The following TRPC7 variants were observed in gnomAD, a reference collection of about 807,000 sequenced individuals.
TRPC7 encodes the protein transient receptor potential cation channel subfamily C member 7, also known as short transient receptor potential channel 7.
Under a neutral mutation model 90.1 loss-of-function variants are expected in TRPC7, and 42 were observed. That is an observed-to-expected ratio of 0.47 (90% confidence interval 0.36 to 0.60). TRPC7 has a LOEUF of 0.60. Among genes scored for constraint, TRPC7 ranks in the 20% least tolerant of loss-of-function variants. The pLI is 0.00. For synonymous variants in TRPC7, 451 were observed against 436.3 expected, an observed-to-expected ratio of 1.03 and a Z score of -0.42; for missense variants, 955 against 1,112.3, an observed-to-expected ratio of 0.86 and a Z score of 2.01.
chr5:136,353,857 T>G (rs1487287719), intron 2 of TRPC7, among the ~76,000 whole-genome samples: 1 of 152,318 alleles, frequency 6.6e-6, no homozygotes, highest in East Asian at 1.9e-4. Flanking sequence ...ATTTTCATAT[T>G]TACTTTTAAA....
At chr5:136,284,674 G>A (rs1757653836) in intron 3 of TRPC7, among the ~76,000 whole-genome samples, 1 of 152,176 alleles carries the variant, frequency 6.6e-6, no homozygotes, top group Admixed American at 6.5e-5. Flanking sequence ...AGTTGACCAG[G>A]GGTGTCATGG....
At chr5:136,292,065 G>A (rs1757978529) in intron 3 of TRPC7, among the ~76,000 whole-genome samples, 2 of 152,152 alleles carry the variant, frequency 1.3e-5, no homozygotes, top group South Asian at 2.1e-4. Context: ...CGAAATGAAG[G>A]CAGAAATAAA....
intron 5 of TRPC7, among the ~76,000 whole-genome samples, chr5:136,252,964 T>C (rs1427044063): frequency 6.6e-6 from 1 of 152,216 alleles, no homozygotes; most frequent in Non-Finnish European, 1.5e-5. Context: ...TCTAGACCTG[T>C]ACTGTCCAAT....
chr5:136,364,467 G>A (rs982522242), intron 1 of TRPC7, among the ~76,000 whole-genome samples: 3 of 152,058 alleles, frequency 2.0e-5, no homozygotes, highest in Non-Finnish European at 4.4e-5. Flanking sequence ...ATGTGTACTC[G>A]GTGCTTCAGA....
chr5:136,233,040 T>C (rs1023839618), intron 7 of TRPC7, among the ~76,000 whole-genome samples: 17 of 152,284 alleles, frequency 1.1e-4, no homozygotes, highest in South Asian at 2.1e-4. Context: ...CTCGCATGAA[T>C]TTACAGCTCT....
chr5:136,305,281 G>A (rs796108645), intron 3 of TRPC7, among the ~76,000 whole-genome samples: 2 of 151,522 alleles, frequency 1.3e-5, no homozygotes, highest in African/African-American at 4.9e-5. Context: ...CCCTGATCAC[G>A]CTTGATTTAT....
At chr5:136,251,431 C>T (rs964644612) in intron 6 of TRPC7, among the ~76,000 whole-genome samples, 1 of 152,184 alleles carries the variant, frequency 6.6e-6, no homozygotes, top group East Asian at 1.9e-4. Context: ...GTCACTAATT[C>T]CACGTTCTAT....
At chr5:136,313,238 A>C (rs1387897827) in intron 3 of TRPC7, among the ~76,000 whole-genome samples, 16 of 152,230 alleles carry the variant, frequency 1.1e-4, no homozygotes, top group Admixed American at 8.5e-4. Context: ...GGTAATACTT[A>C]TTAGCAGCCC....
intron 3 of TRPC7, among the ~76,000 whole-genome samples, chr5:136,298,796 T>A (rs1758270241): frequency 6.6e-6 from 1 of 152,190 alleles, no homozygotes; most frequent in Non-Finnish European, 1.5e-5. Flanking sequence ...CTTCTGCCCC[T>A]TCAATGCAGG....
rs1053165138 is a variant in TRPC7, at chr5:136,303,258, A to G, written c.963+12339T>C. On this transcript the variant is annotated intron_variant, in intron 3 of 11. Coordinates refer to ENST00000513104, the MANE Select transcript of TRPC7 (RefSeq NM_020389.3). ...GCTCATTTGGCAGCAACCCTGAGAC[A>G]CTTTACAGCCCTAGACCCTAAAAGG... Among the ~76,000 whole-genome samples, 11 of 152,308 alleles carry G rather than the reference A, an allele frequency of 7.2e-5. No homozygotes were observed. In the East Asian group the frequency reaches 1.2e-3, roughly 16 times the overall value.
At position 136,247,686 on chromosome 5, in the gene TRPC7, G is replaced by T. The variant is rs528426393; in HGVS notation, c.1629C>A (p.Leu543=). 1.9e-6 allele frequency: 3 copies of T among 1,613,980 alleles called. No individual in the cohort carries two copies. In the African/African-American group the frequency reaches 4.0e-5, roughly 22 times the overall value. ...PSDPQIISEG[L]YAIAVVLSFS... ...AGCTCAGCACGACGGCTATCGCGTA[G>T]AGCCCTTCCGATATGATCTGAGGGT... Residue 543 remains leucine, a synonymous_variant, in exon 7 of 12, where the codon CTC becomes CTA. Coordinates refer to ENST00000513104, the MANE Select transcript of TRPC7 (RefSeq NM_020389.3). The surrounding 1 kb of genome is among the most constrained non-coding windows in gnomAD (Gnocchi z 4.2).
rs549843368 is a variant in TRPC7, at chr5:136,305,787, C to T, written c.963+9810G>A. Among the ~76,000 whole-genome samples the T allele has an allele frequency of 4.6e-5, 7 of 152,208 alleles. No individual in the cohort carries two copies. The South Asian group carries it at 1.2e-3, about 27-fold the overall frequency. ...TAGTATTCCGTGAAACCTTTATATC[C>T]CTTACAGTCCTCCATCTTCAAGAAA... On this transcript the variant is annotated intron_variant, in intron 3 of 11. Transcript: ENST00000513104.
At chr5:136,308,725 C>T (rs547865075) in intron 3 of TRPC7, among the ~76,000 whole-genome samples, 85 of 152,340 alleles carry the variant, frequency 5.6e-4, no homozygotes, top group African/African-American at 1.9e-3. Context: ...GCATTGTTCT[C>T]TCTCTGAGCA....
Position 136,365,499 on chromosome 5 carries a change from G to A in TRPC7, c.-245C>T, listed in dbSNP as rs997237901. The A allele has an allele frequency of 5.3e-6, 3 of 567,816 alleles. No individual in the cohort carries two copies. The highest frequency in any genetic ancestry group is 3.7e-5 in the African/African-American group (2 of 53,516). The allele number at this position is 567,816 out of a possible 1,614,324, so 35.2% of individuals were successfully genotyped here. A position where few individuals can be genotyped will look rare whatever the true frequency, so the allele number is the denominator to read the frequency against. On this transcript the variant is annotated 5_prime_UTR_variant, in exon 1 of 12. Coordinates refer to ENST00000513104, the MANE Select transcript of TRPC7 (RefSeq NM_020389.3). ...GTGTTACCGTCCTTTTCCTAATCGG[G>A]GGGAAATTTCCCAGAGAACATGACG...
intron 2 of TRPC7, among the ~76,000 whole-genome samples, chr5:136,337,848 C>T (rs1759714851): frequency 1.3e-5 from 2 of 152,020 alleles, no homozygotes; most frequent in South Asian, 4.1e-4. Flanking sequence ...GAAAAAGGCC[C>T]AAACCACTGT....
chr5:136,339,875 AAG>A (rs1759788425), intron 2 of TRPC7, among the ~76,000 whole-genome samples: 1 of 150,592 alleles, frequency 6.6e-6, no homozygotes, highest in Non-Finnish European at 1.5e-5. Context: ...AACAACAACA[AAG>A]TGAGAGGATG....
chr5:136,364,311 T>C (rs1444563852), intron 1 of TRPC7, among the ~76,000 whole-genome samples: 1 of 152,204 alleles, frequency 6.6e-6, no homozygotes. Context: ...AAATAAATAT[T>C]TATGAAAGGG....
intron 3 of TRPC7, chr5:136,304,002 T>C (rs1758507758): frequency 6.6e-6 from 1 of 151,986 alleles, no homozygotes; most frequent in African/African-American, 2.4e-5. Flanking sequence ...CCAACTCTGG[T>C]GCCAACTTAG....
chr5:136,266,906 T>C (rs936173721), intron 4 of TRPC7, among the ~76,000 whole-genome samples: 4 of 152,268 alleles, frequency 2.6e-5, no homozygotes, highest in African/African-American at 7.2e-5. Flanking sequence ...CACTAGGTAC[T>C]GCTTTAGCTG....
Sources: allele counts gnomAD v4.1 joint callset (sites outside exome capture counted in the v4.1 genomes callset), GRCh38; gene constraint gnomAD v4.1.1; non-coding constraint Gnocchi (gnomAD v3.1); transcripts MANE v1.5; gene names NCBI Gene and HGNC (gene_info 2026-07-23, HGNC 2026-07-21).